ERP29: variants seen among roughly 807,000 people sequenced by gnomAD.
ERP29 encodes endoplasmic reticulum protein 29, also known as endoplasmic reticulum resident protein 29.
Under a neutral mutation model 21.7 loss-of-function variants are expected in ERP29, and 14 were observed. That is an observed-to-expected ratio of 0.64 (90% CI 0.43 to 1.01). ERP29 has a LOEUF of 1.01. Ranked by LOEUF, ERP29 falls within the 50% of genes least tolerant of loss-of-function variation. The probability of loss-of-function intolerance (pLI) is 0.00; values close to 1 mark genes in which losing one functional copy is unlikely to be tolerated. For synonymous variants in ERP29, 129 were observed against 139.1 expected (o/e 0.93, Z 0.51); for missense variants, 286 against 327.3 (o/e 0.87, Z 0.97).
At chr12:112,019,003 G>T (rs1301628206) in intron 1 of ERP29, 1 of 152,282 alleles carries the variant, frequency 6.6e-6, no homozygotes, top group Non-Finnish European at 1.5e-5. Context: ...GAAGACTGGG[G>T]AGTGACTGCG....
intron 2 of ERP29, among the ~76,000 whole-genome samples, chr12:112,020,922 G>A (rs2136780959): frequency 6.6e-6 from 1 of 152,302 alleles, no homozygotes; most frequent in South Asian, 2.1e-4. Context: ...GAATTGTTAA[G>A]TGGCAGAACT....
intron 1 of ERP29, among the ~76,000 whole-genome samples, chr12:112,017,471 A>G (rs2078018423): frequency 6.6e-6 from 1 of 152,202 alleles, no homozygotes; most frequent in South Asian, 2.1e-4. Context: ...ATAACCATGA[A>G]AAGAACTGGG....
At chr12:112,022,072 G>A in intron 2 of ERP29, 78 bp from the exon 3 acceptor site, 1 of 1,463,750 alleles carries the variant, frequency 6.8e-7, no homozygotes, top group Non-Finnish European at 9.4e-7. Flanking sequence ...CTTTCCCTCA[G>A]TTCAGCTAGG....
At chr12:112,019,604 C>A in intron 1 of ERP29, 152 bp from the exon 2 acceptor site, 1 of 853,538 alleles carries the variant, frequency 1.2e-6, no homozygotes, top group Non-Finnish European at 2.0e-6. Context: ...TTAAATGAGT[C>A]AGTGGGTGAA....
At chr12:112,021,648 T>C (rs2141089) in intron 2 of ERP29, among the ~76,000 whole-genome samples, 146,790 of 151,368 alleles carry the variant, frequency 0.97, 71,194 homozygotes, top group East Asian at 1. Context: ...CTCAGCCTCT[T>C]GAGTAGCTGG....
Position 112,015,184 on chromosome 12 carries a change from C to CA in ERP29, c.144+1591dup, listed in dbSNP as rs58875310. On this transcript the variant is annotated intron_variant, in intron 1 of 2. Coordinates refer to ENST00000261735, the MANE Select transcript of ERP29 (RefSeq NM_006817.4). ...GGGCGACAGAGCAAATACTCCGTCT[C>CA]AAAAAAAAAAAAAAAAGTGTGGGCT... 3.1e-3 allele frequency: 341 copies of CA among 110,176 alleles called. 3 individuals are homozygous for CA. The highest frequency in any genetic ancestry group is 4.6e-3 in the Admixed American group (44 of 9,638). The allele number at this position is 110,176 out of a possible 1,614,324, so 6.8% of individuals were successfully genotyped here.
intron 1 of ERP29, chr12:112,019,307 A>G (rs984814651): frequency 2.5e-5 from 6 of 244,090 alleles, no homozygotes; most frequent in African/African-American, 1.1e-4. Flanking sequence ...TGGCCTATCT[A>G]GCCAAAGCGT....
At chr12:112,020,324 A>C (rs1023105928) in intron 2 of ERP29, among the ~76,000 whole-genome samples, 6 of 152,132 alleles carry the variant, frequency 3.9e-5, no homozygotes, top group Non-Finnish European at 7.4e-5. Flanking sequence ...TGCCACCACT[A>C]ATCCAAGGGC....
At chr12:112,020,712 ACTCC>A (rs1401190936) in intron 2 of ERP29, among the ~76,000 whole-genome samples, 2 of 152,100 alleles carry the variant, frequency 1.3e-5, no homozygotes, top group Admixed American at 1.3e-4. Flanking sequence ...ACTTCAGGTA[ACTCC>A]CTTGGTGCTT....
chr12:112,015,650 A>G (rs2078007362), intron 1 of ERP29, among the ~76,000 whole-genome samples: 1 of 152,120 alleles, frequency 6.6e-6, no homozygotes. Flanking sequence ...AGTGTGACCC[A>G]AAGGGAAACT....
At chr12:112,021,778 G>A (rs193134819) in intron 2 of ERP29, among the ~76,000 whole-genome samples, 14 of 151,836 alleles carry the variant, frequency 9.2e-5, no homozygotes, top group Admixed American at 6.6e-4. Context: ...TGTCCGCCTC[G>A]GCCTCCCAAA....
intron 1 of ERP29, 124 bp downstream of exon 1, chr12:112,013,733 T>G: frequency 1.8e-6 from 2 of 1,082,604 alleles, no homozygotes; most frequent in Non-Finnish European, 2.6e-6. Context: ...GTCCCAGAGC[T>G]TCCCGGCGTC....
chr12:112,022,721 GTCCCTTGTGGAA>G lies in ERP29; in HGVS notation c.*71_*82del. 2.0e-6 allele frequency: 3 copies of G among 1,489,028 alleles called. No individual in the cohort carries two copies. Among genetic ancestry groups the G allele is most frequent in the Non-Finnish European group, 2.7e-6 (3 of 1,110,240 alleles). 92.2% of individuals were successfully genotyped at this position (1,489,028 alleles called of 1,614,324 possible). On this transcript the variant is annotated 3_prime_UTR_variant, in exon 3 of 3. Transcript: ENST00000261735. The stretch of plus-strand genomic sequence containing the variant: ...GGGAGAGTTAACCTGCTGGCTGTGA[GTCCCTTGTGGAA>G]TATAAGGGGGTAGTGGGAAAAGTGG...
intron 2 of ERP29, among the ~76,000 whole-genome samples, chr12:112,021,286 C>G (rs1030127396): frequency 3.9e-5 from 6 of 152,108 alleles, no homozygotes; most frequent in African/African-American, 1.4e-4. Context: ...ACTTGCAGTC[C>G]TTTCTGCCTG....
chr12:112,014,566 C>T (rs1043670565), intron 1 of ERP29: 3 of 152,220 alleles, frequency 2.0e-5, no homozygotes, highest in African/African-American at 7.2e-5. Flanking sequence ...ACTACCTCCG[C>T]CTTTCCCCCC....
At position 112,022,896 on chromosome 12, in the gene ERP29, T is replaced by A. The variant is rs1230248053; in HGVS notation, c.*244T>A. On this transcript the variant is annotated 3_prime_UTR_variant, in exon 3 of 3. Transcript: ENST00000261735. ...TGGTGAAATGACACCTCAGAAGGAATGAGTGCTATAGAGAGGAGAGAGGAG... is the reference window on the plus strand; with the variant it reads ...TGGTGAAATGACACCTCAGAAGGAAAGAGTGCTATAGAGAGGAGAGAGGAG... The A allele has an allele frequency of 7.3e-6, 4 of 545,516 alleles. No homozygotes were observed. Among genetic ancestry groups the A allele is most frequent in the Non-Finnish European group, 9.8e-6 (3 of 305,526 alleles). 33.8% of individuals were successfully genotyped at this position (545,516 alleles called of 1,614,324 possible).
intron 1 of ERP29, among the ~76,000 whole-genome samples, chr12:112,016,015 G>A (rs949912155): frequency 6.6e-6 from 1 of 152,164 alleles, no homozygotes; most frequent in Non-Finnish European, 1.5e-5. Context: ...CCAGTCTAAA[G>A]TGCCAGTCAC....
At chr12:112,016,855 A>G (rs112509563) in intron 1 of ERP29, among the ~76,000 whole-genome samples, 10 of 152,164 alleles carry the variant, frequency 6.6e-5, no homozygotes, top group African/African-American at 2.4e-4. Context: ...GCACCACTGC[A>G]CTCCAGCCCG....
At chr12:112,021,814 C>G (rs1487187575) in intron 2 of ERP29, among the ~76,000 whole-genome samples, 1 of 152,126 alleles carries the variant, frequency 6.6e-6, no homozygotes, top group Non-Finnish European at 1.5e-5. Flanking sequence ...GCATGAGCCA[C>G]CGCACCCGTC....
Sources: gnomAD v4.1 joint callset for allele counts (sites outside exome capture counted in the v4.1 genomes callset) on GRCh38, gnomAD v4.1.1 for gene constraint, MANE v1.5 for transcripts, NCBI Gene and HGNC (gene_info 2026-07-23, HGNC 2026-07-21) for gene names.